Variants in RARS2 observed in about 807,000 individuals in gnomAD.
The protein encoded by RARS2 is arginyl-tRNA synthetase 2, mitochondrial, also known as probable arginine--tRNA ligase, mitochondrial.
A neutral mutation model predicts 88.5 loss-of-function variants in RARS2; 67 were observed. That is an observed-to-expected ratio of 0.76 (90% confidence interval 0.62 to 0.93). The LOEUF is 0.93. Among genes scored for constraint, RARS2 ranks in the 40% least tolerant of loss-of-function variants. The pLI, the probability that RARS2 is intolerant of heterozygous loss-of-function variation, is 0.00. For missense variants in RARS2, 664 were observed against 684.2 expected, an observed-to-expected ratio of 0.97 and a Z score of 0.33; for synonymous variants, 239 against 230.3, an observed-to-expected ratio of 1.04 and a Z score of -0.34.
chr6:87,536,411 C>T (rs112944035), intron 8 of RARS2, among the ~76,000 whole-genome samples: 18,340 of 151,756 alleles, frequency 0.12, 1,194 homozygotes, highest in African/African-American at 0.16. Context: ...CCAAGGTGGG[C>T]GGATCACAAG....
intron 15 of RARS2, 25 bp from the exon 16 acceptor site, chr6:87,518,764 C>T (rs1772699600): frequency 1.2e-6 from 2 of 1,612,298 alleles, no homozygotes; most frequent in Non-Finnish European, 1.7e-6. Flanking sequence ...GAAATCTTCA[C>T]TGCTGGGATT....
At position 87,517,533 on chromosome 6, in the gene RARS2, C is replaced by T. The variant is rs142670330; in HGVS notation, c.1511+636G>A. 6.4e-4 allele frequency among the ~76,000 whole-genome samples: 97 copies of T among 152,232 alleles called. 3 individuals carry two copies. In the East Asian group the frequency reaches 0.018, roughly 28 times the overall value. On this transcript the variant is annotated intron_variant, in intron 17 of 19. Transcript: ENST00000369536. ...AGAAAACCCAGTTGGCTTATTTTTC[C>T]GTACATTCCCTATTGTACATGTGAG...
chr6:87,576,908 T>C (rs959511327), intron 1 of RARS2, among the ~76,000 whole-genome samples: 1 of 152,204 alleles, frequency 6.6e-6, no homozygotes, highest in African/African-American at 2.4e-5. Context: ...TGTAGTCACA[T>C]TAAATCACAA....
chr6:87,545,740 C>A, intron 6 of RARS2, 41 bp from the exon 7 acceptor site: 1 of 1,599,396 alleles, frequency 6.3e-7, no homozygotes, highest in Non-Finnish European at 8.5e-7. Flanking sequence ...TTCTTGTTAT[C>A]CATTTTTTGA....
At chr6:87,589,610 T>C (rs1011896755) in intron 1 of RARS2, 41 of 927,260 alleles carry the variant, frequency 4.4e-5, no homozygotes, top group Non-Finnish European at 4.9e-5. Context: ...CTAACTTCTA[T>C]GGGGTCTAAT....
At position 87,532,691 on chromosome 6, in the gene RARS2, T is replaced by C. The variant is rs371782756; in HGVS notation, c.613-1749A>G. On this transcript the variant is annotated intron_variant, in intron 8 of 19. Coordinates refer to ENST00000369536, the MANE Select transcript of RARS2 (RefSeq NM_020320.5). ...TGTATCCCTTCACTGTAATAAATCA[T>C]AGCCACAAGTAAGACTATGCTGAGT... is the stretch of plus-strand genomic sequence containing the variant. Among the ~76,000 whole-genome samples the C allele has an allele frequency of 7.9e-5, 12 of 152,290 alleles. No homozygotes were observed. The East Asian group carries it at 1.4e-3, about 17-fold the overall frequency.
At chr6:87,527,295 G>A (rs66464758) in intron 10 of RARS2, among the ~76,000 whole-genome samples, 16,328 of 151,956 alleles carry the variant, frequency 0.11, 921 homozygotes, top group East Asian at 0.15. Flanking sequence ...GTGATACAGT[G>A]AGACCCCGTC....
At chr6:87,564,381 C>G in intron 2 of RARS2, 149 bp from the exon 3 acceptor site, 1 of 695,324 alleles carries the variant, frequency 1.4e-6, no homozygotes, top group Non-Finnish European at 2.5e-6. Flanking sequence ...GCAAGGGGGC[C>G]GAGAGCGGTG....
intron 1 of RARS2, among the ~76,000 whole-genome samples, chr6:87,578,889 G>A (rs1412461138): frequency 7.1e-6 from 1 of 140,324 alleles, no homozygotes; most frequent in Non-Finnish European, 1.5e-5. Flanking sequence ...GAACCTGGGA[G>A]GCAGAGGTTG....
At chr6:87,558,685 C>T (rs1437446899) in intron 4 of RARS2, among the ~76,000 whole-genome samples, 1 of 152,272 alleles carries the variant, frequency 6.6e-6, no homozygotes, top group South Asian at 2.1e-4. Flanking sequence ...TGTGGTAACA[C>T]TGATGTAAAC....
At chr6:87,551,603 G>A (rs975415277) in intron 5 of RARS2, among the ~76,000 whole-genome samples, 3 of 115,488 alleles carry the variant, frequency 2.6e-5, no homozygotes, top group African/African-American at 3.5e-5. Context: ...CAGCCTGAGC[G>A]AGACAGCAAG....
chr6:87,530,248 A>C (rs150297320), intron 9 of RARS2, among the ~76,000 whole-genome samples: 1 of 152,284 alleles, frequency 6.6e-6, no homozygotes, highest in African/African-American at 2.4e-5. Flanking sequence ...TACTTACTCC[A>C]GTCACACGGG....
chr6:87,583,657 G>C (rs1171863598), intron 1 of RARS2, among the ~76,000 whole-genome samples: 1 of 151,756 alleles, frequency 6.6e-6, no homozygotes, highest in Non-Finnish European at 1.5e-5. Flanking sequence ...AGTAAGAAAG[G>C]GAGACAAATC....
rs1005578757 is a variant in RARS2, at chr6:87,542,086, A to T, written c.536-92T>A. On this transcript the variant is annotated intron_variant, in intron 7 of 19. Coordinates refer to ENST00000369536, the MANE Select transcript of RARS2 (RefSeq NM_020320.5). ...TAGGTATAATTCTATAAAAAGACCA[A>T]CCTGTCATATTATGTATCCTGAGAA... 9 of 961,156 alleles carry T rather than the reference A, an allele frequency of 9.4e-6. No individual in the cohort carries two copies. The African/African-American group carries it at 1.5e-4, about 16-fold the overall frequency. 59.5% of individuals were successfully genotyped at this position (961,156 alleles called of 1,614,324 possible).
chr6:87,584,316 A>G (rs1056424064), intron 1 of RARS2, among the ~76,000 whole-genome samples: 1 of 152,204 alleles, frequency 6.6e-6, no homozygotes, highest in Admixed American at 6.5e-5. Context: ...GTTTTCTGCT[A>G]CCATCCATGG....
intron 1 of RARS2, among the ~76,000 whole-genome samples, chr6:87,587,338 C>A (rs1436921710): frequency 3.3e-5 from 5 of 152,170 alleles, no homozygotes; most frequent in Non-Finnish European, 5.9e-5. Context: ...TCAAACTGTA[C>A]GGAACATGTT....
rs774506039 is a variant in RARS2, at chr6:87,524,561, T to C, written c.970A>G (p.Thr324Ala). Residue 324 changes from threonine to alanine, a missense_variant, in exon 11 of 20, where the codon ACC becomes GCC. Transcript: ENST00000369536. Reference sequence around the variant, plus strand: ...ACCCTCACAGAGGCTACAAACCTGGTTGCATAGAGAGAAGTCCCATCACTT... The same window carrying C: ...ACCCTCACAGAGGCTACAAACCTGGCTGCATAGAGAGAAGTCCCATCACTT... ...MRSDGTSLYATRDLAAAIDRM... is the reference protein window; with the variant it reads ...MRSDGTSLYAARDLAAAIDRM... The C allele has an allele frequency of 1.0e-5, 16 of 1,606,760 alleles. No individual in the cohort carries two copies. The South Asian group carries it at 1.6e-4, about 17-fold the overall frequency.
chr6:87,584,158 G>C (rs955396967), intron 1 of RARS2, among the ~76,000 whole-genome samples: 1 of 152,190 alleles, frequency 6.6e-6, no homozygotes, highest in African/African-American at 2.4e-5. Context: ...CTGTAACACA[G>C]TACACAGCTT....
intron 11 of RARS2, among the ~76,000 whole-genome samples, chr6:87,522,363 A>T (rs1316649367): frequency 6.6e-6 from 1 of 151,398 alleles, no homozygotes; most frequent in Non-Finnish European, 1.5e-5. Flanking sequence ...AAAGACCATA[A>T]AGTCCTTTGA....
Sources: gnomAD v4.1 joint callset for allele counts (sites outside exome capture counted in the v4.1 genomes callset) on GRCh38, gnomAD v4.1.1 for gene constraint, MANE v1.5 for transcripts, NCBI Gene and HGNC (gene_info 2026-07-23, HGNC 2026-07-21) for gene names.